Variants in TLX1 observed in about 807,000 individuals in gnomAD.
TLX1 encodes T-cell leukemia homeobox protein 1.
TLX1 carries 6 observed loss-of-function variants against 26.5 expected under a neutral mutation model. The ratio of observed to expected loss-of-function variants is 0.23; its 90% CI spans 0.12 to 0.45. The LOEUF (loss-of-function observed/expected upper bound fraction) is 0.45, where lower values mean the gene tolerates loss of function less well. TLX1 is among the 20% of genes least tolerant of loss of function. The pLI is 0.99. For synonymous variants in TLX1, 217 were observed against 219.7 expected, an observed-to-expected ratio of 0.99 and a Z score of 0.11; for missense variants, 418 against 482.6, an observed-to-expected ratio of 0.87 and a Z score of 1.25.
chr10:101,134,012 C>G (rs897058551), intron 1 of TLX1, 163 bp from the exon 2 acceptor site: 10 of 645,936 alleles, frequency 1.5e-5, no homozygotes, highest in Non-Finnish European at 2.6e-5. Flanking sequence ...TGAGGGCTAA[C>G]GGGAGGATCT....
chr10:101,134,909 T>C (rs1267455860), intron 2 of TLX1, among the ~76,000 whole-genome samples: 1 of 152,148 alleles, frequency 6.6e-6, no homozygotes, highest in Non-Finnish European at 1.5e-5. Context: ...GTCCCTACCC[T>C]GGAAGGAGAA....
intron 1 of TLX1, among the ~76,000 whole-genome samples, chr10:101,133,588 C>T (rs946328): frequency 0.18 from 26,708 of 152,276 alleles, 2,838 homozygotes; most frequent in Non-Finnish European, 0.24. Context: ...CCGCGGGGCC[C>T]TAATACTGTG....
At chr10:101,136,261 C>A (rs968227177) in intron 2 of TLX1, among the ~76,000 whole-genome samples, 3 of 152,190 alleles carry the variant, frequency 2.0e-5, no homozygotes, top group Non-Finnish European at 4.4e-5. Context: ...AGATCGTACC[C>A]GCTGGTCCTT....
Sources: gnomAD v4.1 joint callset for allele counts (sites outside exome capture counted in the v4.1 genomes callset) on GRCh38, gnomAD v4.1.1 for gene constraint, MANE v1.5 for transcripts, NCBI Gene and HGNC (gene_info 2026-07-23, HGNC 2026-07-21) for gene names.